HACL1: variants seen among roughly 807,000 people sequenced by gnomAD.
HACL1 encodes the protein 2-hydroxyacyl-CoA lyase 1.
In HACL1, 64 loss-of-function variants were observed where a neutral mutation model predicts 74.2. The observed-to-expected ratio is 0.86, with a 90% CI of 0.70 to 1.06. The LOEUF (loss-of-function observed/expected upper bound fraction) is 1.06. HACL1 is among the 50% of genes least tolerant of loss of function. The pLI, the probability that HACL1 is intolerant of heterozygous loss-of-function variation, is 0.00. For missense variants in HACL1, 728 were observed against 719.7 expected (o/e 1.01, Z -0.13); for synonymous variants, 230 against 238.8 (o/e 0.96, Z 0.34).
intron 12 of HACL1, 31 bp downstream of exon 12, chr3:15,571,637 T>G: frequency 1.1e-6 from 1 of 887,346 alleles, no homozygotes; most frequent in African/African-American, 1.6e-5. Flanking sequence ...GAGCCTGACC[T>G]GTTATTGAGC....
At chr3:15,564,089 A>G (rs959685416) in intron 15 of HACL1, among the ~76,000 whole-genome samples, 4 of 152,356 alleles carry the variant, frequency 2.6e-5, no homozygotes, top group African/African-American at 7.2e-5. Flanking sequence ...TCACAAATTC[A>G]TATCTGTCTC....
intron 9 of HACL1, among the ~76,000 whole-genome samples, chr3:15,577,116 TAATATA>T (rs1329429697): frequency 6.6e-6 from 1 of 152,188 alleles, no homozygotes; most frequent in Non-Finnish European, 1.5e-5. Context: ...CTGTATATAG[TAATATA>T]AATAAAAATA....
intron 8 of HACL1, 84 bp downstream of exon 8, chr3:15,582,793 T>G: frequency 3.0e-6 from 2 of 676,032 alleles, no homozygotes; most frequent in Middle Eastern, 2.7e-4. Flanking sequence ...AACATTAGAA[T>G]AGACATTAAT....
intron 14 of HACL1, among the ~76,000 whole-genome samples, chr3:15,567,324 T>C (rs1410915309): frequency 6.6e-6 from 1 of 151,032 alleles, no homozygotes; most frequent in South Asian, 2.1e-4. Flanking sequence ...ACTCTTCTGC[T>C]TCAGCCTCCC....
chr3:15,597,937 C>A (rs6784844), intron 2 of HACL1, among the ~76,000 whole-genome samples: 12 of 151,826 alleles, frequency 7.9e-5, no homozygotes, highest in Non-Finnish European at 1.6e-4. Flanking sequence ...TACAACAACA[C>A]GTAACAAAAA....
intron 3 of HACL1, among the ~76,000 whole-genome samples, chr3:15,593,782 GTTTTTTTTTTTGTCTTTTTTT>G (rs2064002713): frequency 8.1e-6 from 1 of 123,736 alleles, no homozygotes; most frequent in Non-Finnish European, 1.8e-5. Context: ...AATGTTTTGT[GTTTTTTTTTTTGTCTTTTTTT>G]TTTTTTTTTT....
At chr3:15,569,299 C>T (rs2063483807) in intron 12 of HACL1, among the ~76,000 whole-genome samples, 1 of 152,182 alleles carries the variant, frequency 6.6e-6, no homozygotes, top group African/African-American at 2.4e-5. Flanking sequence ...TATACTCCTG[C>T]ACTAAAGAAG....
At chr3:15,592,530 ATGTATACACATGTACGCACATGTGTGCG>A (rs2063957212) in intron 3 of HACL1, among the ~76,000 whole-genome samples, 5 of 144,002 alleles carry the variant, frequency 3.5e-5, no homozygotes, top group African/African-American at 1.0e-4. Context: ...ACATATACAC[ATGTATACACATGTACGCACATGTGTGCG>A]TGTATACACA....
At chr3:15,580,378 T>C (rs1559554507) in intron 8 of HACL1, among the ~76,000 whole-genome samples, 1 of 152,150 alleles carries the variant, frequency 6.6e-6, no homozygotes, top group Non-Finnish European at 1.5e-5. Context: ...GCTCAAGCAA[T>C]CCTCCTTCCT....
At position 15,567,915 on chromosome 3, in the gene HACL1, C is replaced by T. The variant is rs781713558; in HGVS notation, c.1338G>A (p.Gly446=). The change falls in exon 14 of 17, where the codon GGG becomes GGA. Residue 446 remains glycine (G), a synonymous_variant. Transcript: ENST00000321169. ...AAVVAKDRSP[G]QWIICVEGDS... Reference sequence around the variant, plus strand: ...CTCCTTCCACACAGATGATCCATTGCCCAGGGCTTCTATCTTTAGCCACCA... The same window carrying T: ...CTCCTTCCACACAGATGATCCATTGTCCAGGGCTTCTATCTTTAGCCACCA... 1.2e-6 allele frequency: 2 copies of T among 1,614,032 alleles called. No homozygotes were observed. The highest frequency in any genetic ancestry group is 3.3e-5 in the Admixed American group (2 of 60,034).
At chr3:15,590,669 A>G (rs1184823831) in intron 4 of HACL1, among the ~76,000 whole-genome samples, 1 of 152,276 alleles carries the variant, frequency 6.6e-6, no homozygotes, top group East Asian at 1.9e-4. Context: ...GTGAAAAATT[A>G]GCCACATTTT....
At chr3:15,562,297 C>T (rs889458103) in intron 16 of HACL1, among the ~76,000 whole-genome samples, 1 of 152,188 alleles carries the variant, frequency 6.6e-6, no homozygotes, top group African/African-American at 2.4e-5. Context: ...TGCTAATGCC[C>T]CCTGCCCTTC....
intron 8 of HACL1, 65 bp from the exon 9 acceptor site, chr3:15,580,110 G>C (rs2063695856): frequency 2.3e-6 from 3 of 1,327,940 alleles, no homozygotes; most frequent in African/African-American, 3.0e-5. Context: ...CCTTAAAAAA[G>C]TTCATGTGAA....
Position 15,579,938 on chromosome 3 carries a change from G to T in HACL1, c.775C>A (p.Pro259Thr). The change falls in exon 9 of 17, where the codon CCA (proline) becomes ACA (threonine). Residue 259 changes from proline (P) to threonine (T), a missense_variant. Pro to Thr is a conservative substitution (Grantham distance 38). Coordinates refer to ENST00000321169, the MANE Select transcript of HACL1 (RefSeq NM_012260.4). ...GATCTGGCTGCACCTACACAGTATG[G>T]ATGGTTGTCAGGGACAACACCCTTC... Reference protein sequence around the residue: ...MGKGVVPDNHPYCVGAARSRA... With the variant: ...MGKGVVPDNHTYCVGAARSRA... 6.2e-7 allele frequency: 1 copy of T among 1,611,738 alleles called. No individual in the cohort carries two copies. The highest frequency in any genetic ancestry group is 8.5e-7 in the Non-Finnish European group (1 of 1,178,168).
chr3:15,598,553 T>C (rs2064116179), intron 2 of HACL1, among the ~76,000 whole-genome samples: 1 of 152,232 alleles, frequency 6.6e-6, no homozygotes, highest in South Asian at 2.1e-4. Context: ...TGAAATCAGT[T>C]CGTATGTGTA....
At position 15,573,161 on chromosome 3, in the gene HACL1, G is replaced by T. The variant is rs749678760; in HGVS notation, c.991C>A (p.Gln331Lys). 4 of 1,575,666 alleles carry T rather than the reference G, an allele frequency of 2.5e-6. No individual in the cohort carries two copies. The South Asian group carries it at 4.4e-5, about 17-fold the overall frequency. ...LLGNIHAVTK[Q>K]LLEELDKTPW... ...TAAACTAAAACAAAAGTTCTCACCT[G>T]CTTAGTGACAGCATGTATGTTTCCT... Residue 331 changes from glutamine (Q) to lysine (K), a missense_variant and splice_region_variant, in exon 11 of 17, where the codon CAG (glutamine) becomes AAG (lysine). Coordinates refer to ENST00000321169, the MANE Select transcript of HACL1 (RefSeq NM_012260.4).
chr3:15,572,741 T>C (rs73817019), intron 11 of HACL1, among the ~76,000 whole-genome samples: 4,880 of 152,324 alleles, frequency 0.032, 262 homozygotes, highest in African/African-American at 0.11. Flanking sequence ...ACTGATTAGT[T>C]TGAAGAGTAA....
chr3:15,570,456 G>A (rs1465447311), intron 12 of HACL1, among the ~76,000 whole-genome samples: 1 of 151,706 alleles, frequency 6.6e-6, no homozygotes, highest in Non-Finnish European at 1.5e-5. Flanking sequence ...AGGGAACCAA[G>A]TGAGCATAAC....
rs61554194 is a variant in HACL1 at position 15,573,836 on chromosome 3, C to A, written c.910-594G>T. Among the ~76,000 whole-genome samples, 19 of 152,262 alleles carry A rather than the reference C, an allele frequency of 1.2e-4. No homozygotes were observed. The East Asian group carries it at 3.5e-3, about 28-fold the overall frequency. ...ACTCAGAAGTTCCATGTCTGGATGG[C>A]CATGGACAAATGATGGCTTCTGCAA... On this transcript the variant is annotated intron_variant, in intron 10 of 16. Coordinates refer to ENST00000321169, the MANE Select transcript of HACL1 (RefSeq NM_012260.4).
Sources: gnomAD v4.1 joint callset for allele counts (sites outside exome capture counted in the v4.1 genomes callset) on GRCh38, gnomAD v4.1.1 for gene constraint, MANE v1.5 for transcripts, NCBI Gene and HGNC (gene_info 2026-07-23, HGNC 2026-07-21) for gene names.